HARS1: variants seen among roughly 807,000 people sequenced by gnomAD.
The protein encoded by HARS1 is histidyl-tRNA synthetase 1.
A neutral mutation model predicts 63.6 loss-of-function variants in HARS1; 45 were observed. The ratio of observed to expected loss-of-function variants is 0.71; its 90% CI spans 0.56 to 0.91. The LOEUF (loss-of-function observed/expected upper bound fraction) is 0.91. Ranked by LOEUF, HARS1 falls within the 40% of genes least tolerant of loss-of-function variation. The pLI is 0.00. For synonymous variants in HARS1, 205 were observed against 247.1 expected (o/e 0.83, Z 1.60); for missense variants, 508 against 643.2 (o/e 0.79, Z 2.27).
At chr5:140,686,932 A>T (rs1759074592) in intron 2 of HARS1, among the ~76,000 whole-genome samples, 1 of 152,116 alleles carries the variant, frequency 6.6e-6, no homozygotes, top group Non-Finnish European at 1.5e-5. Context: ...GAATACTTGA[A>T]TTTTTTCACT....
chr5:140,687,906 C>T (rs896591782), intron 2 of HARS1: 1 of 152,160 alleles, frequency 6.6e-6, no homozygotes, highest in African/African-American at 2.4e-5. Flanking sequence ...AATTCAAGAC[C>T]AGCGCAGCCA....
rs776770665 is a variant in HARS1, at chr5:140,676,615, C to T, written c.1194+39G>A. 9.4e-6 allele frequency: 15 copies of T among 1,597,676 alleles called. No individual in the cohort carries two copies. The East Asian group carries it at 2.0e-4, about 22-fold the overall frequency. ...AGATCAGATAGCTTAGGTGCCACCA[C>T]CTGCTCAGACTATCTTCTACCTACC... On this transcript the variant is annotated intron_variant, in intron 10 of 12. Coordinates refer to ENST00000504156, the MANE Select transcript of HARS1 (RefSeq NM_002109.6). The surrounding 1 kb of genome is among the most constrained non-coding windows in gnomAD (Gnocchi z 4.1).
At chr5:140,678,197 CT>C in intron 5 of HARS1, 182 bp from the exon 6 acceptor site, 1 of 598,084 alleles carries the variant, frequency 1.7e-6, no homozygotes, top group Non-Finnish European at 3.0e-6. Context: ...TTTTGGTTTC[CT>C]TTCCATCTAC....
intron 5 of HARS1, chr5:140,678,287 T>G (rs1238616426): frequency 4.2e-6 from 2 of 477,094 alleles, no homozygotes; most frequent in Non-Finnish European, 7.5e-6. Flanking sequence ...GCTTTAGTGC[T>G]TAGCCATTTT....
chr5:140,684,723 G>T (rs1445547008), intron 2 of HARS1: 1 of 152,122 alleles, frequency 6.6e-6, no homozygotes, highest in Non-Finnish European at 1.5e-5. Context: ...CCCCAAAGTG[G>T]ATTATACCTA....
chr5:140,681,725 G>C (rs1024726645), intron 3 of HARS1, among the ~76,000 whole-genome samples: 1 of 151,872 alleles, frequency 6.6e-6, no homozygotes, highest in African/African-American at 2.4e-5. Context: ...AGAGAGGCCT[G>C]GAACAGATCC....
Position 140,674,754 on chromosome 5 carries a change from T to G in HARS1, c.1383A>C (p.Pro461=). Reference sequence around the variant, plus strand: ...CCTGCTCGCCGATGATAGCCACCAGTGGGATGCCTGCCTCCTCACAGTACT... The same window carrying G: ...CCTGCTCGCCGATGATAGCCACCAGGGGGATGCCTGCCTCCTCACAGTACT... ...QLQYCEEAGI[P]LVAIIGEQEL... Residue 461 remains proline, a synonymous_variant, in exon 12 of 13, where the codon CCA becomes CCC. Transcript: ENST00000504156. 6.2e-7 allele frequency: 1 copy of G among 1,614,188 alleles called. No individual in the cohort carries two copies. Among genetic ancestry groups the G allele is most frequent in the Non-Finnish European group, 8.5e-7 (1 of 1,180,010 alleles).
intron 2 of HARS1, chr5:140,687,360 T>C (rs1759102510): frequency 1.3e-5 from 2 of 152,032 alleles, no homozygotes; most frequent in African/African-American, 4.8e-5. Context: ...TGTAGGTTTC[T>C]TGTATGTTTT....
rs2149819348 is a variant in HARS1 at position 140,674,689 on chromosome 5, C to T, written c.1448G>A (p.Ser483Asn). The stretch of plus-strand genomic sequence containing the variant: ...GCCCACCTCCCTCACCTCTTCCCTG[C>T]TCGTCACTGAACGGAGCTTGATGAC... ...DGVIKLRSVT[S>N]REEVDVRRED... The change falls in exon 12 of 13, where the codon AGC (serine) becomes AAC (asparagine). Residue 483 changes from serine (S) to asparagine (N), a missense_variant. Ser to Asn is a conservative substitution (Grantham distance 46, BLOSUM62 1). Around this residue, in one of 2 missense-constraint regions of HARS1, gnomAD observed 403 missense variants for 548.7 expected, o/e 0.73. Coordinates refer to ENST00000504156, the MANE Select transcript of HARS1 (RefSeq NM_002109.6). The T allele has an allele frequency of 6.2e-7, 1 of 1,614,250 alleles. No homozygotes were observed. Among genetic ancestry groups the T allele is most frequent in the Non-Finnish European group, 8.5e-7 (1 of 1,180,046 alleles).
intron 2 of HARS1, among the ~76,000 whole-genome samples, chr5:140,689,061 C>T (rs1011938631): frequency 6.6e-6 from 1 of 152,308 alleles, no homozygotes; most frequent in East Asian, 1.9e-4. Flanking sequence ...TTTGAAAAAT[C>T]ATTGATGATC....
At position 140,683,080 on chromosome 5, in the gene HARS1, T is replaced by C; in HGVS notation, c.300+20A>G. ...ATGCCCACTCATCTACCATGTAGTTTCTTCTTGCCCATTCCTCACCTTTAG... is the reference window on the plus strand; with the variant it reads ...ATGCCCACTCATCTACCATGTAGTTCCTTCTTGCCCATTCCTCACCTTTAG... On this transcript the variant is annotated intron_variant, in intron 3 of 12. Coordinates refer to ENST00000504156, the MANE Select transcript of HARS1 (RefSeq NM_002109.6). The C allele has an allele frequency of 9.9e-6, 16 of 1,610,334 alleles. No individual in the cohort carries two copies. The highest frequency in any genetic ancestry group is 1.4e-5 in the Non-Finnish European group (16 of 1,177,120).
Position 140,676,846 on chromosome 5 carries a change from C to CA in HARS1, c.1001dup (p.Ile335AspfsTer3), listed in dbSNP as rs769317378. The CA allele has an allele frequency of 1.2e-6, 2 of 1,614,106 alleles. No homozygotes were observed. Among genetic ancestry groups the CA allele is most frequent in the East Asian group, 4.5e-5 (2 of 44,908 alleles). Reference sequence around the variant, plus strand: ...TCTGTAGCAGCACTGCCTCATAGATCACCCCAGTGTAGTAATCCAGCCCTC... The same window carrying CA: ...TCTGTAGCAGCACTGCCTCATAGATCAACCCCAGTGTAGTAATCCAGCCCTC... On this transcript the variant is annotated frameshift_variant, in exon 10 of 13. Transcript: ENST00000504156. LOFTEE classifies it high-confidence loss of function. The surrounding 1 kb of genome is among the most constrained non-coding windows in gnomAD (Gnocchi z 4.1).
rs1758363272 is a variant in HARS1, at chr5:140,676,391, T to A, written c.1194+263A>T. On this transcript the variant is annotated intron_variant, in intron 10 of 12. Coordinates refer to ENST00000504156, the MANE Select transcript of HARS1 (RefSeq NM_002109.6). This position sits in a 1 kb window ranked among gnomAD's most constrained non-coding sequence, Gnocchi z 4.1. ...CGTATCATGAGGAAGATCTAAGTCT[T>A]GGATACACCAGCCCAGGTTTGTGAC... 2.1e-6 allele frequency: 1 copy of A among 473,456 alleles called. No homozygotes were observed. Among genetic ancestry groups the A allele is most frequent in the Admixed American group, 3.7e-5 (1 of 27,280 alleles). 29.3% of individuals were successfully genotyped at this position (473,456 alleles called of 1,614,324 possible).
chr5:140,680,138 C>T (rs1275487639), intron 3 of HARS1, among the ~76,000 whole-genome samples: 1 of 151,276 alleles, frequency 6.6e-6, no homozygotes, highest in African/African-American at 2.4e-5. Flanking sequence ...CTTCAGACTT[C>T]TCAGCATGAA....
intron 2 of HARS1, chr5:140,684,958 CAT>C (rs1758934462): frequency 6.6e-6 from 1 of 152,146 alleles, no homozygotes. Context: ...GCAGGATTCT[CAT>C]ATGTGATTTT....
At chr5:140,677,196 G>C (rs1758431016) in intron 8 of HARS1, 80 bp from the exon 9 acceptor site, 3 of 1,504,996 alleles carry the variant, frequency 2.0e-6, no homozygotes, top group Non-Finnish European at 1.8e-6. Flanking sequence ...CTGGACTCTA[G>C]TCGCCCATGC....
chr5:140,686,430 C>T (rs1282294351), intron 2 of HARS1, among the ~76,000 whole-genome samples: 2 of 151,920 alleles, frequency 1.3e-5, no homozygotes, highest in Non-Finnish European at 2.9e-5. Flanking sequence ...GTAGAGACAG[C>T]GTTTCACCAT....
chr5:140,683,516 A>C, intron 2 of HARS1: 1 of 1,131,454 alleles, frequency 8.8e-7, no homozygotes, highest in South Asian at 2.4e-5. Flanking sequence ...AGATAACAGA[A>C]CATTTCCTGG....
intron 2 of HARS1, among the ~76,000 whole-genome samples, chr5:140,685,709 G>A: frequency 7.6e-6 from 1 of 131,300 alleles, no homozygotes; most frequent in Non-Finnish European, 1.6e-5. Context: ...GACAGAGTGA[G>A]ACTCTGTCTC....
Sources: allele counts gnomAD v4.1 joint callset (sites outside exome capture counted in the v4.1 genomes callset), GRCh38; gene constraint gnomAD v4.1.1; regional missense constraint gnomAD v4.1.1; non-coding constraint Gnocchi (gnomAD v3.1); transcripts MANE v1.5; gene names NCBI Gene and HGNC (gene_info 2026-07-23, HGNC 2026-07-21).